Variants in USP43 observed in about 807,000 individuals in gnomAD.
USP43 encodes ubiquitin carboxyl-terminal hydrolase 43.
A neutral mutation model predicts 90.7 loss-of-function variants in USP43; 33 were observed. The observed-to-expected ratio is 0.36, with a 90% CI of 0.28 to 0.49. The LOEUF is 0.49. Ranked by LOEUF, USP43 falls within the 20% of genes least tolerant of loss-of-function variation. The pLI is 0.98. For synonymous variants in USP43, 598 were observed against 615.8 expected (o/e 0.97, Z 0.43); for missense variants, 1,274 against 1,476.4 (o/e 0.86, Z 2.25).
intron 14 of USP43, among the ~76,000 whole-genome samples, chr17:9,719,766 G>A (rs529415134): frequency 7.9e-5 from 12 of 152,212 alleles, no homozygotes; most frequent in Admixed American, 5.9e-4. Context: ...GTTCTGAGAC[G>A]GTTGAAAAAT....
intron 2 of USP43, among the ~76,000 whole-genome samples, chr17:9,664,994 T>A (rs965536464): frequency 4.6e-5 from 7 of 152,202 alleles, no homozygotes; most frequent in African/African-American, 1.4e-4. Flanking sequence ...TGAGTGGCTT[T>A]GATTCTGGGA....
chr17:9,668,986 C>T (rs886718696), intron 3 of USP43, among the ~76,000 whole-genome samples: 3 of 151,984 alleles, frequency 2.0e-5, no homozygotes, highest in Admixed American at 6.6e-5. Flanking sequence ...CAGGTGCGTG[C>T]CACCATGCCT....
rs146321140 is a variant in USP43, at chr17:9,728,413, C to T, written c.2795C>T (p.Pro932Leu). The change falls in exon 15 of 15, where the codon CCT becomes CTT. Residue 932 changes from proline (P) to leucine (L), a missense_variant. Transcript: ENST00000285199. This position sits in a 1 kb window ranked among gnomAD's most constrained non-coding sequence, Gnocchi z 6.2. ...DIKLPRKFDL[P>L]LTVMPSVEHE... ...AAGCTTCCCAGAAAGTTTGACCTGC[C>T]TCTCACTGTGATGCCTTCAGTGGAG... is the stretch of plus-strand genomic sequence containing the variant. The T allele has an allele frequency of 3.9e-3, 6,251 of 1,610,028 alleles. 15 individuals are homozygous for T. Among genetic ancestry groups the T allele is most frequent in the Non-Finnish European group, 4.9e-3 (5,831 of 1,178,198 alleles).
intron 8 of USP43, 104 bp from the exon 9 acceptor site, chr17:9,693,023 T>C (rs1290279089): frequency 3.5e-6 from 3 of 863,936 alleles, no homozygotes; most frequent in East Asian, 2.7e-5. Flanking sequence ...AAATACACTA[T>C]GGAAAATAAT....
intron 9 of USP43, among the ~76,000 whole-genome samples, chr17:9,698,027 C>T (rs1915377061): frequency 6.6e-6 from 1 of 152,136 alleles, no homozygotes; most frequent in African/African-American, 2.4e-5. Context: ...TAATAATAGC[C>T]ATCTGCTGAT....
chr17:9,664,246 C>T lies in USP43; in HGVS notation c.637-2402C>T, dbSNP rs952768524. 5.9e-5 allele frequency among the ~76,000 whole-genome samples: 9 copies of T among 152,220 alleles called. No homozygotes were observed. In the East Asian group the frequency reaches 1.3e-3, roughly 23 times the overall value. On this transcript the variant is annotated intron_variant, in intron 2 of 14. Coordinates refer to ENST00000285199, the MANE Select transcript of USP43 (RefSeq NM_153210.5). ...TACAACTTACGTTGTACTAAATTTG[C>T]TTTATCACGCATTTACCCATCTGTC...
rs546582205 is a variant in USP43, at chr17:9,693,042, T to C, written c.1354-85T>C. The C allele has an allele frequency of 3.2e-6, 3 of 929,058 alleles. No homozygotes were observed. The Admixed American group carries it at 7.8e-5, about 24-fold the overall frequency. The allele number at this position is 929,058 out of a possible 1,614,324, so 57.6% of individuals were successfully genotyped here. On this transcript the variant is annotated intron_variant, in intron 8 of 14. Transcript: ENST00000285199. Reference sequence around the variant, plus strand: ...ACACTATGGAAAATAATGATTATATTTTTTAATGTATGCGCCCCTTTAGAG... The same window carrying C: ...ACACTATGGAAAATAATGATTATATCTTTTAATGTATGCGCCCCTTTAGAG...
chr17:9,711,056 A>G (rs1916165138), intron 13 of USP43, among the ~76,000 whole-genome samples: 1 of 152,214 alleles, frequency 6.6e-6, no homozygotes, highest in African/African-American at 2.4e-5. Context: ...GAAGATGTTG[A>G]AAAAAGAATG....
chr17:9,656,456 C>T lies in USP43; in HGVS notation c.558C>T (p.Ala186=). 1.9e-6 allele frequency: 3 copies of T among 1,610,502 alleles called. No individual in the cohort carries two copies. Among genetic ancestry groups the T allele is most frequent in the South Asian group, 1.1e-5 (1 of 90,046 alleles). ...TCCAAGGCAATTCCCAGCACGACGC[C>T]CTGGAATTCCTGCTCTGGTTGCTGG... ...SQFQGNSQHD[A]LEFLLWLLDR... is the part of the protein sequence containing the mutation. Residue 186 remains alanine, a synonymous_variant, in exon 2 of 15, where the codon GCC becomes GCT. Coordinates refer to ENST00000285199, the MANE Select transcript of USP43 (RefSeq NM_153210.5).
chr17:9,721,885 C>T (rs1214474504), intron 14 of USP43, among the ~76,000 whole-genome samples: 1 of 147,300 alleles, frequency 6.8e-6, no homozygotes, highest in Non-Finnish European at 1.5e-5. Context: ...TGCCCGCCAC[C>T]ACACCCAGCT....
intron 6 of USP43, among the ~76,000 whole-genome samples, chr17:9,681,462 T>TATTTTATATATATATA (rs1555550104): frequency 5.4e-5 from 1 of 18,578 alleles, no homozygotes; most frequent in African/African-American, 2.6e-4. Context: ...ATAAAATATA[T>TATTTTATATATATATA]TATATATATA....
At position 9,729,049 on chromosome 17, in the gene USP43, G is replaced by C. The variant is rs1917443616; in HGVS notation, c.*59G>C. On this transcript the variant is annotated 3_prime_UTR_variant, in exon 15 of 15. Coordinates refer to ENST00000285199, the MANE Select transcript of USP43 (RefSeq NM_153210.5). Reference sequence around the variant, plus strand: ...CTTGGGACTTTGCCAAGCAACTGTAGGCAGCTCATGTTGAGAATGGGTTTC... The same window carrying C: ...CTTGGGACTTTGCCAAGCAACTGTACGCAGCTCATGTTGAGAATGGGTTTC... 1.4e-6 allele frequency: 2 copies of C among 1,442,770 alleles called. No homozygotes were observed. The highest frequency in any genetic ancestry group is 1.4e-5 in the African/African-American group (1 of 69,356). 89.4% of individuals were successfully genotyped at this position (1,442,770 alleles called of 1,614,324 possible). A position where few individuals can be genotyped will look rare whatever the true frequency, so the allele number is the denominator to read the frequency against.
intron 1 of USP43, among the ~76,000 whole-genome samples, chr17:9,646,673 G>A (rs558975277): frequency 6.6e-6 from 1 of 152,252 alleles, no homozygotes; most frequent in South Asian, 2.1e-4. Context: ...AAGCAGTGGC[G>A]TTGGAGCTTA....
intron 9 of USP43, among the ~76,000 whole-genome samples, 176 bp downstream of exon 9, chr17:9,693,406 ATGTC>A (rs71910481): frequency 0.04 from 6,157 of 152,232 alleles, 392 homozygotes; most frequent in African/African-American, 0.14. Context: ...TTGAACCCGT[ATGTC>A]TGGAGAGGCA....
intron 1 of USP43, among the ~76,000 whole-genome samples, chr17:9,648,364 C>A (rs73255715): frequency 0.014 from 2,063 of 152,264 alleles, 44 homozygotes; most frequent in African/African-American, 0.045. Flanking sequence ...AGAGAGTAGA[C>A]TAGGAATGCA....
rs2152006396 is a variant in USP43, at chr17:9,729,156, C to G, written c.*166C>G. On this transcript the variant is annotated 3_prime_UTR_variant, in exon 15 of 15. Coordinates refer to ENST00000285199, the MANE Select transcript of USP43 (RefSeq NM_153210.5). The stretch of plus-strand genomic sequence containing the variant: ...GGGGTCTCCATATCTAGACTTCCAA[C>G]ACCCAAGGTCCATATAACCCAAGGT... The G allele has an allele frequency of 1.8e-6, 1 of 542,100 alleles. No individual in the cohort carries two copies. The highest frequency in any genetic ancestry group is 4.9e-5 in the South Asian group (1 of 20,554). 33.6% of individuals were successfully genotyped at this position (542,100 alleles called of 1,614,324 possible). A position where few individuals can be genotyped will look rare whatever the true frequency, so the allele number is the denominator to read the frequency against.
intron 9 of USP43, 29 bp downstream of exon 9, chr17:9,693,259 C>T: frequency 1.3e-6 from 2 of 1,538,116 alleles, no homozygotes; most frequent in South Asian, 1.2e-5. Flanking sequence ...GTTCAGTCAG[C>T]TAATGAACCC....
intron 14 of USP43, among the ~76,000 whole-genome samples, chr17:9,723,392 T>C (rs1177114265): frequency 6.6e-6 from 1 of 152,030 alleles, no homozygotes; most frequent in African/African-American, 2.4e-5. Flanking sequence ...TTGGTTTTTG[T>C]TTAATGATTG....
chr17:9,712,132 G>C lies in USP43; in HGVS notation c.2335G>C (p.Gly779Arg). ...FTNSLCNQEK[G>R]GLEPRRLVRG... ...CAACAGCCTCTGCAATCAGGAAAAG[G>C]GTATGTTGGTTAAATGTGCTTGGTT... The change falls in exon 14 of 15, where the codon GGA (glycine) becomes CGA (arginine). Residue 779 changes from glycine (G) to arginine (R), a missense_variant and splice_region_variant. By Grantham distance (125) the Gly-to-Arg change is moderately radical. Transcript: ENST00000285199. 1.3e-6 allele frequency: 2 copies of C among 1,573,246 alleles called. No individual in the cohort carries two copies. Among genetic ancestry groups the C allele is most frequent in the Non-Finnish European group, 1.7e-6 (2 of 1,157,594 alleles).
Sources: gnomAD v4.1 joint callset for allele counts (sites outside exome capture counted in the v4.1 genomes callset) on GRCh38, gnomAD v4.1.1 for gene constraint, Gnocchi (gnomAD v3.1) non-coding constraint, MANE v1.5 for transcripts, NCBI Gene and HGNC (gene_info 2026-07-23, HGNC 2026-07-21) for gene names.